Variants in PCDHA5 observed in about 807,000 individuals in gnomAD.
PCDHA5 encodes the protein protocadherin alpha 5.
Under a neutral mutation model 61.6 loss-of-function variants are expected in PCDHA5, and 43 were observed. The observed-to-expected ratio is 0.70, with a 90% CI of 0.55 to 0.90. PCDHA5 has a LOEUF of 0.90. Ranked by LOEUF, PCDHA5 falls within the 40% of genes least tolerant of loss-of-function variation. The probability of loss-of-function intolerance (pLI) is 0.00; values close to 1 mark genes in which losing one functional copy is unlikely to be tolerated. For synonymous variants in PCDHA5, 627 were observed against 543.9 expected (o/e 1.15, Z -2.13); for missense variants, 1,298 against 1,222.7 (o/e 1.06, Z -0.92).
intron 1 of PCDHA5, among the ~76,000 whole-genome samples, chr5:140,906,853 T>C (rs576448914): frequency 1.3e-5 from 2 of 152,170 alleles, no homozygotes; most frequent in Non-Finnish European, 2.9e-5. Flanking sequence ...AGAGTCTGGG[T>C]CAGTCACCCC....
chr5:141,006,750 G>A (rs1233243147), intron 3 of PCDHA5, among the ~76,000 whole-genome samples: 1 of 152,122 alleles, frequency 6.6e-6, no homozygotes, highest in African/African-American at 2.4e-5. Flanking sequence ...TATTATAAAT[G>A]GAGAATGAAG....
chr5:140,904,365 A>G (rs1036617665), intron 1 of PCDHA5, among the ~76,000 whole-genome samples: 2 of 151,790 alleles, frequency 1.3e-5, no homozygotes, highest in African/African-American at 4.8e-5. Context: ...CCATTATTTC[A>G]TTCCTTTTTA....
Position 140,850,162 on chromosome 5 carries a change from T to A in PCDHA5, c.2352+26035T>A. On this transcript the variant is annotated intron_variant, in intron 1 of 3. Transcript: ENST00000529859. ...AACGTGACGCTGCAGGTGTTCGTGCTGGACGAGAACGACAATGCGCCGGCG... is the reference window on the plus strand; with the variant it reads ...AACGTGACGCTGCAGGTGTTCGTGCAGGACGAGAACGACAATGCGCCGGCG... 8.8e-6 allele frequency: 14 copies of A among 1,595,026 alleles called. 2 individuals carry two copies. The highest frequency in any genetic ancestry group is 1.2e-5 in the Non-Finnish European group (14 of 1,167,802).
In PCDHA5 at chr5:140,850,049, C is replaced by A. The variant is rs1354549642; in HGVS notation, c.2352+25922C>A. 3 of 1,596,466 alleles carry A rather than the reference C, an allele frequency of 1.9e-6. 1 individual carries two copies. The highest frequency in any genetic ancestry group is 1.3e-5 in the African/African-American group (1 of 74,464). ...TGCACGCGGAGAGCGGCAAGGTGTA[C>A]GCGCTGCAGCCGTTGGACCACGAGG... On this transcript the variant is annotated intron_variant, in intron 1 of 3. Coordinates refer to ENST00000529859, the MANE Select transcript of PCDHA5 (RefSeq NM_018908.3).
chr5:140,897,739 T>A (rs2066296532), intron 1 of PCDHA5, among the ~76,000 whole-genome samples: 1 of 152,176 alleles, frequency 6.6e-6, no homozygotes, highest in Admixed American at 6.5e-5. Flanking sequence ...GTATTTCTAG[T>A]TCTAGATCCC....
chr5:140,965,954 C>A lies in PCDHA5; in HGVS notation c.2353-12995C>A, dbSNP rs567785452. Among the ~76,000 whole-genome samples the A allele has an allele frequency of 9.8e-4, 149 of 152,300 alleles. 1 individual carries two copies. The highest frequency in any genetic ancestry group is 1.7e-3 in the Non-Finnish European group (115 of 68,034). The stretch of plus-strand genomic sequence containing the variant: ...GGAAAGAGGGCAGCATTTGCCATCC[C>A]CCTCCTTTTGCCCTAGGAGTTGAGC... On this transcript the variant is annotated intron_variant, in intron 1 of 3. Coordinates refer to ENST00000529859, the MANE Select transcript of PCDHA5 (RefSeq NM_018908.3).
At chr5:140,824,200 T>G (rs2150133192) in intron 1 of PCDHA5, 73 bp downstream of exon 1, 1 of 1,596,192 alleles carries the variant, frequency 6.3e-7, no homozygotes, top group Non-Finnish European at 8.6e-7. Flanking sequence ...TCACCCACTT[T>G]TTTTGTATTT....
At chr5:140,971,110 G>A (rs2096457221) in intron 1 of PCDHA5, among the ~76,000 whole-genome samples, 1 of 152,172 alleles carries the variant, frequency 6.6e-6, no homozygotes, top group Admixed American at 6.5e-5. Flanking sequence ...CTTTGGGATT[G>A]GGGTGGGCTA....
chr5:140,862,306 C>G (rs184682479), intron 1 of PCDHA5: 1 of 279,556 alleles, frequency 3.6e-6, no homozygotes, highest in East Asian at 8.6e-5. Context: ...CACTGGGTAC[C>G]GTCATAGCCC....
At chr5:140,828,290 G>C (rs1554131172) in intron 1 of PCDHA5, 2 of 1,614,002 alleles carry the variant, frequency 1.2e-6, no homozygotes, top group African/African-American at 1.3e-5. Context: ...GTTCAGGATG[G>C]CCTCCAAAGA....
At chr5:140,928,676 G>A in intron 1 of PCDHA5, 2 of 1,614,166 alleles carry the variant, frequency 1.2e-6, no homozygotes, top group East Asian at 2.2e-5. Context: ...TCTAATGCCT[G>A]GCTTTCCTAC....
At chr5:140,958,578 A>G (rs2095431763) in intron 1 of PCDHA5, among the ~76,000 whole-genome samples, 1 of 152,206 alleles carries the variant, frequency 6.6e-6, no homozygotes, top group Non-Finnish European at 1.5e-5. Context: ...TGAGATTTTA[A>G]ATGAGCTTAT....
chr5:140,879,783 G>A (rs182330190), intron 1 of PCDHA5, among the ~76,000 whole-genome samples: 1 of 152,162 alleles, frequency 6.6e-6, no homozygotes, highest in African/African-American at 2.4e-5. Flanking sequence ...GAAGAATCTG[G>A]TTTTTGTTTC....
At chr5:140,963,397 G>A (rs1190925238) in intron 1 of PCDHA5, among the ~76,000 whole-genome samples, 1 of 152,160 alleles carries the variant, frequency 6.6e-6, no homozygotes, top group Admixed American at 6.5e-5. Context: ...GCTCCCTACT[G>A]GATGCTGTAG....
intron 3 of PCDHA5, among the ~76,000 whole-genome samples, chr5:141,007,395 C>CAAAAAAAAAAAAAAAA (rs35800918): frequency 3.2e-5 from 3 of 94,864 alleles, no homozygotes; most frequent in Non-Finnish European, 4.1e-5. Flanking sequence ...TACTAAAATA[C>CAAAAAAAAAAAAAAAA]AAAAAAAAAA....
rs2098422926 is a variant in PCDHA5 at position 141,012,085 on chromosome 5, G to A, written c.*2148G>A. The A allele has an allele frequency of 1.3e-5, 2 of 153,740 alleles. No homozygotes were observed. Among genetic ancestry groups the A allele is most frequent in the Admixed American group, 1.3e-4 (2 of 15,280 alleles). 9.5% of individuals were successfully genotyped at this position (153,740 alleles called of 1,614,324 possible). A position where few individuals can be genotyped will look rare whatever the true frequency, so the allele number is the denominator to read the frequency against. ...ACATGTGAACCATTGCTACATTGTAGGTTGTGATCATTTTGCCCCACTGAA... is the reference window on the plus strand; with the variant it reads ...ACATGTGAACCATTGCTACATTGTAAGTTGTGATCATTTTGCCCCACTGAA... On this transcript the variant is annotated 3_prime_UTR_variant, in exon 4 of 4. Coordinates refer to ENST00000529859, the MANE Select transcript of PCDHA5 (RefSeq NM_018908.3).
intron 1 of PCDHA5, chr5:140,866,984 A>G (rs2049692494): frequency 6.6e-6 from 1 of 152,180 alleles, no homozygotes; most frequent in African/African-American, 2.4e-5. Flanking sequence ...ATCACAGCCA[A>G]AATGCAAAAG....
Position 140,973,415 on chromosome 5 carries a change from A to C in PCDHA5, c.2353-5534A>C, listed in dbSNP as rs552618579. On this transcript the variant is annotated intron_variant, in intron 1 of 3. Coordinates refer to ENST00000529859, the MANE Select transcript of PCDHA5 (RefSeq NM_018908.3). ...AATCATATCTATGAGCTTCCACTCC[A>C]GTTTTTCATCCTCTGATGGTCACTT... Among the ~76,000 whole-genome samples the C allele has an allele frequency of 1.8e-3, 272 of 152,344 alleles. 1 individual carries two copies. Among genetic ancestry groups the C allele is most frequent in the Non-Finnish European group, 3.1e-3 (212 of 68,028 alleles).
At chr5:140,840,223 T>A (rs1776612782) in intron 1 of PCDHA5, among the ~76,000 whole-genome samples, 1 of 151,924 alleles carries the variant, frequency 6.6e-6, no homozygotes, top group African/African-American at 2.4e-5. Flanking sequence ...TACATATGAG[T>A]AAATGTGGAG....
Sources: allele counts gnomAD v4.1 joint callset (sites outside exome capture counted in the v4.1 genomes callset), GRCh38; gene constraint gnomAD v4.1.1; transcripts MANE v1.5; gene names NCBI Gene and HGNC (gene_info 2026-07-23, HGNC 2026-07-21).